ARHGAP39: variants seen among roughly 807,000 people sequenced by gnomAD.
The protein encoded by ARHGAP39 is Rho GTPase activating protein 39.
A neutral mutation model predicts 106.9 loss-of-function variants in ARHGAP39; 44 were observed. The observed-to-expected ratio is 0.41, with a 90% CI of 0.32 to 0.53. The LOEUF is 0.53. Among genes scored for constraint, ARHGAP39 ranks in the 20% least tolerant of loss-of-function variants. ARHGAP39 has a pLI of 0.21. For synonymous variants in ARHGAP39, 768 were observed against 693.2 expected, an observed-to-expected ratio of 1.11 and a Z score of -1.69; for missense variants, 1,496 against 1,577.3, an observed-to-expected ratio of 0.95 and a Z score of 0.87.
intron 4 of ARHGAP39, among the ~76,000 whole-genome samples, chr8:144,549,506 T>G (rs1817615847): frequency 6.6e-6 from 1 of 152,228 alleles, no homozygotes; most frequent in Non-Finnish European, 1.5e-5. Flanking sequence ...TTTGTTTTGT[T>G]TTTTTGAGAC....
Position 144,529,988 on chromosome 8 carries a change from T to C in ARHGAP39, c.*434A>G. The stretch of plus-strand genomic sequence containing the variant: ...ACAGGTCGGGAAGCTCTCTCGGGGC[T>C]GGGAAGAGCTGCAGGCCAGGACGAG... On this transcript the variant is annotated 3_prime_UTR_variant, in exon 12 of 12. Coordinates refer to ENST00000377307, the MANE Select transcript of ARHGAP39 (RefSeq NM_025251.3). The C allele has an allele frequency of 5.9e-6, 1 of 169,486 alleles. No individual in the cohort carries two copies. The highest frequency in any genetic ancestry group is 1.3e-5 in the Non-Finnish European group (1 of 79,422). The allele number at this position is 169,486 out of a possible 1,614,324, so 10.5% of individuals were successfully genotyped here.
chr8:144,558,846 G>A (rs562402916), intron 3 of ARHGAP39, among the ~76,000 whole-genome samples: 8 of 152,130 alleles, frequency 5.3e-5, no homozygotes, highest in African/African-American at 1.7e-4. Flanking sequence ...GCTGAGGTGG[G>A]TGGATCACTT....
chr8:144,668,548 C>T (rs1171136054), intron 1 of ARHGAP39, among the ~76,000 whole-genome samples: 1 of 152,066 alleles, frequency 6.6e-6, no homozygotes, highest in African/African-American at 2.4e-5. Flanking sequence ...GTTAAGAAAA[C>T]AATTCCATTT....
chr8:144,602,230 T>C (rs1414540859), intron 2 of ARHGAP39, among the ~76,000 whole-genome samples: 4 of 138,958 alleles, frequency 2.9e-5, no homozygotes, highest in African/African-American at 8.2e-5. Flanking sequence ...TGTACCTGTG[T>C]GCATGTGCGT....
intron 1 of ARHGAP39, among the ~76,000 whole-genome samples, chr8:144,642,555 C>T (rs1821339271): frequency 6.6e-6 from 1 of 151,918 alleles, no homozygotes; most frequent in South Asian, 2.1e-4. Flanking sequence ...GGCTCTGTGT[C>T]CCCACCCAAA....
At chr8:144,605,354 C>A (rs1289564633) in intron 2 of ARHGAP39, among the ~76,000 whole-genome samples, 181 bp downstream of exon 2, 1 of 152,240 alleles carries the variant, frequency 6.6e-6, no homozygotes, top group African/African-American at 2.4e-5. Flanking sequence ...GGAACGCAGG[C>A]CACGGCCCTG....
At chr8:144,552,481 C>T (rs928504385) in intron 4 of ARHGAP39, among the ~76,000 whole-genome samples, 10 of 152,240 alleles carry the variant, frequency 6.6e-5, no homozygotes, top group African/African-American at 2.2e-4. Flanking sequence ...TATACTCACA[C>T]AGAACAAGAA....
At chr8:144,695,566 G>C in the ARHGAP39 span, among the ~76,000 whole-genome samples, 1 of 152,138 alleles carries the variant, frequency 6.6e-6, no homozygotes, top group Non-Finnish European at 1.5e-5. Flanking sequence ...GACGAATTAA[G>C]AGTCTGTTTA....
intron 2 of ARHGAP39, among the ~76,000 whole-genome samples, chr8:144,602,836 A>ATGTGCG (rs1820095180): frequency 1.0e-5 from 1 of 97,154 alleles, no homozygotes; most frequent in Non-Finnish European, 2.0e-5. Context: ...ACCTGTGTGC[A>ATGTGCG]TGGAGGCGTG....
At chr8:144,535,442 C>T (rs1353592239) in intron 7 of ARHGAP39, among the ~76,000 whole-genome samples, 4 of 152,228 alleles carry the variant, frequency 2.6e-5, no homozygotes, top group Non-Finnish European at 4.4e-5. Context: ...ACCAAGGGCC[C>T]CTCTGGGCAG....
intron 4 of ARHGAP39, among the ~76,000 whole-genome samples, chr8:144,554,308 C>CGA (rs964510703): frequency 6.6e-6 from 1 of 152,188 alleles, no homozygotes; most frequent in African/African-American, 2.4e-5. Flanking sequence ...CTTAGCTCAG[C>CGA]GACCCACCCC....
intron 7 of ARHGAP39, 112 bp from the exon 8 acceptor site, chr8:144,534,314 G>T: frequency 8.3e-7 from 1 of 1,205,904 alleles, no homozygotes; most frequent in Non-Finnish European, 1.2e-6. Flanking sequence ...GGCTGGCCTT[G>T]CCCCGGTCAC....
rs1390842909 is a variant in ARHGAP39, at chr8:144,547,480, C to T, written c.1606G>A (p.Val536Met). ...QPPCGTSLAP[V>M]KRAEGEAEGA... ...TCGGCCTCACCTTCCGCTCGCTTCA[C>T]GGGGGCGAGGCTGGTCCCGCACGGG... The change falls in exon 5 of 12, where the codon GTG becomes ATG. Residue 536 changes from valine (V) to methionine (M), a missense_variant. Val to Met is a conservative substitution (Grantham distance 21). This residue lies in a region of ARHGAP39 where 905 missense variants were observed against 816.4 expected (regional missense o/e 1.11). Coordinates refer to ENST00000377307, the MANE Select transcript of ARHGAP39 (RefSeq NM_025251.3). The surrounding 1 kb of genome is among the most constrained non-coding windows in gnomAD (Gnocchi z 5.2). The T allele has an allele frequency of 2.6e-6, 4 of 1,536,274 alleles. No individual in the cohort carries two copies. Among genetic ancestry groups the T allele is most frequent in the Middle Eastern group, 1.8e-4 (1 of 5,662 alleles).
At chr8:144,537,353 T>C (rs990561852) in intron 7 of ARHGAP39, among the ~76,000 whole-genome samples, 1 of 151,716 alleles carries the variant, frequency 6.6e-6, no homozygotes, top group African/African-American at 2.4e-5. Context: ...GGGGTGCTTG[T>C]CTGCAGGGCA....
At chr8:144,532,421 G>A in intron 9 of ARHGAP39, 25 bp from the exon 10 acceptor site, 1 of 1,594,844 alleles carries the variant, frequency 6.3e-7, no homozygotes. Flanking sequence ...GCAGGTCTCA[G>A]GCAACAGGAG....
intron 2 of ARHGAP39, among the ~76,000 whole-genome samples, chr8:144,594,761 T>C (rs1185021795): frequency 6.7e-6 from 1 of 150,188 alleles, no homozygotes; most frequent in South Asian, 2.1e-4. Context: ...GGCAAACATG[T>C]GTAGTCCCTG....
At chr8:144,698,120 C>T in the ARHGAP39 span, among the ~76,000 whole-genome samples, 8 of 152,154 alleles carry the variant, frequency 5.3e-5, no homozygotes, top group Non-Finnish European at 7.3e-5. Context: ...GTGGATCCCT[C>T]ATGAATGCGT....
At chr8:144,539,483 C>T (rs1817104749) in intron 6 of ARHGAP39, among the ~76,000 whole-genome samples, 1 of 152,192 alleles carries the variant, frequency 6.6e-6, no homozygotes, top group Non-Finnish European at 1.5e-5. Flanking sequence ...CTTTGCCTCC[C>T]TCAGGAGAGC....
chr8:144,577,184 G>A (rs1818808440), intron 3 of ARHGAP39, among the ~76,000 whole-genome samples: 1 of 152,106 alleles, frequency 6.6e-6, no homozygotes, highest in Admixed American at 6.6e-5. Context: ...TGCTCACGTG[G>A]GTTTCATGGA....
Sources: allele counts gnomAD v4.1 joint callset (sites outside exome capture counted in the v4.1 genomes callset), GRCh38; gene constraint gnomAD v4.1.1; regional missense constraint gnomAD v4.1.1; non-coding constraint Gnocchi (gnomAD v3.1); transcripts MANE v1.5; gene names NCBI Gene and HGNC (gene_info 2026-07-23, HGNC 2026-07-21).